USP45: variants seen among roughly 807,000 people sequenced by gnomAD.
The protein encoded by USP45 is ubiquitin carboxyl-terminal hydrolase 45.
In USP45, 89 loss-of-function variants were observed where a neutral mutation model predicts 95.8. The ratio of observed to expected loss-of-function variants is 0.93; its 90% CI spans 0.78 to 1.11. The LOEUF (loss-of-function observed/expected upper bound fraction) is 1.11. USP45 is among the 50% of genes least tolerant of loss of function. USP45 has a pLI of 0.00. For synonymous variants in USP45, 281 were observed against 316.2 expected (o/e 0.89, Z 1.18); for missense variants, 898 against 942.5 (o/e 0.95, Z 0.62).
chr6:99,474,059 G>A (rs1292431859), intron 9 of USP45, among the ~76,000 whole-genome samples: 2 of 152,156 alleles, frequency 1.3e-5, no homozygotes, highest in African/African-American at 4.8e-5. Context: ...GATACATGAT[G>A]TTTTATAGCA....
At chr6:99,470,408 T>G (rs1436652316) in intron 9 of USP45, among the ~76,000 whole-genome samples, 1 of 152,216 alleles carries the variant, frequency 6.6e-6, no homozygotes, top group East Asian at 1.9e-4. Context: ...GAGTTTCACT[T>G]ATTACTAACT....
At chr6:99,517,601 A>T (rs1190463825), upstream of USP45, among the ~76,000 whole-genome samples, 7 of 136,774 alleles carry the variant, frequency 5.1e-5, no homozygotes, top group Admixed American at 7.4e-5. Context: ...CACATAGCTA[A>T]TTTTTTTTTT....
intron 5 of USP45, among the ~76,000 whole-genome samples, chr6:99,489,312 T>C (rs1583331126): frequency 6.6e-6 from 1 of 152,276 alleles, no homozygotes; most frequent in East Asian, 1.9e-4. Context: ...ATTCAGATAA[T>C]TTGATCATAA....
At chr6:99,509,370 G>A (rs11154891) in intron 2 of USP45, among the ~76,000 whole-genome samples, 7 of 152,262 alleles carry the variant, frequency 4.6e-5, no homozygotes, top group Admixed American at 1.3e-4. Flanking sequence ...ACAATCCTTA[G>A]AACTTATTCG....
chr6:99,503,675 GT>G, intron 5 of USP45, 89 bp downstream of exon 5: 2 of 898,228 alleles, frequency 2.2e-6, no homozygotes, highest in South Asian at 4.2e-5. Context: ...GGCTGTCACA[GT>G]AAAATCTAAA....
At chr6:99,473,452 C>A (rs1178070043) in intron 9 of USP45, among the ~76,000 whole-genome samples, 2 of 151,958 alleles carry the variant, frequency 1.3e-5, no homozygotes, top group African/African-American at 2.4e-5. Flanking sequence ...GAGGCTGAGG[C>A]AGGAGAATCA....
chr6:99,513,499 A>G (rs1043224722), intron 1 of USP45, among the ~76,000 whole-genome samples: 5 of 152,356 alleles, frequency 3.3e-5, no homozygotes, highest in African/African-American at 9.6e-5. Context: ...AGAGATAGGT[A>G]TAACTAATAA....
chr6:99,466,683 C>A lies in USP45; in HGVS notation c.1096G>T (p.Glu366Ter). The change falls in exon 11 of 18, where the codon GAA (glutamate) becomes TAA (stop). Residue 366 changes from glutamate to a stop codon, truncating the protein, a stop_gained. Transcript: ENST00000500704. LOFTEE classifies it high-confidence loss of function. ...TCTAAAGTACCTACATTTGCACATTCTTCACACATGACCGTGCTAGTTAAT... is the reference window on the plus strand; with the variant it reads ...TCTAAAGTACCTACATTTGCACATTATTCACACATGACCGTGCTAGTTAAT... The part of the protein sequence containing the change: ...GELTSTVMCE[E>*]CANISTVKDP... The A allele has an allele frequency of 1.2e-6, 2 of 1,613,122 alleles. No homozygotes were observed. The highest frequency in any genetic ancestry group is 1.7e-6 in the Non-Finnish European group (2 of 1,179,402).
intron 14 of USP45, among the ~76,000 whole-genome samples, chr6:99,445,204 G>T (rs796573582): frequency 6.6e-6 from 1 of 152,098 alleles, no homozygotes; most frequent in African/African-American, 2.4e-5. Flanking sequence ...TTTTAGGGAG[G>T]CCAGGCATGG....
intron 2 of USP45, 118 bp downstream of exon 2, chr6:99,510,003 G>A: frequency 1.3e-6 from 1 of 751,452 alleles, no homozygotes; most frequent in Admixed American, 2.3e-5. Flanking sequence ...ATCTAGGTTT[G>A]GTGGAAAAAA....
intron 7 of USP45, among the ~76,000 whole-genome samples, chr6:99,485,118 T>G (rs1793543186): frequency 6.9e-6 from 1 of 145,354 alleles, no homozygotes; most frequent in South Asian, 2.1e-4. Flanking sequence ...TCACTTGAGG[T>G]CAGGAGTTTG....
At position 99,464,608 on chromosome 6, in the gene USP45, T is replaced by C. The variant is rs1214719699; in HGVS notation, c.1304A>G (p.Asp435Gly). 6.2e-7 allele frequency: 1 copy of C among 1,610,488 alleles called. No individual in the cohort carries two copies. The highest frequency in any genetic ancestry group is 1.3e-5 in the African/African-American group (1 of 74,726). ...AACAGATGCTTATGGTCTTACCTTA[T>C]CTTTAGATGAAGAATGCTTCTTGGC... ...RAAKKHSSSK[D>G]KSQLIHDRKC... The change falls in exon 13 of 18, where the codon GAT (aspartate) becomes GGT (glycine). Residue 435 changes from aspartate (D) to glycine (G), a missense_variant. Coordinates refer to ENST00000500704, the MANE Select transcript of USP45 (RefSeq NM_001346022.3).
At position 99,445,991 on chromosome 6, in the gene USP45, T is replaced by C. The variant is rs1308871644; in HGVS notation, c.1781A>G (p.His594Arg). ...SNNLCFLEGK[H>R]LRSYSPQNAF... ...ATTTTGGGGACTATAAGACCTCAAA[T>C]GCTTCCCCTCTAAAAAACATAAATT... Residue 594 changes from histidine to arginine, a missense_variant, in exon 14 of 18, where the codon CAT becomes CGT. Coordinates refer to ENST00000500704, the MANE Select transcript of USP45 (RefSeq NM_001346022.3). The C allele has an allele frequency of 6.2e-7, 1 of 1,614,004 alleles. No homozygotes were observed. The highest frequency in any genetic ancestry group is 8.5e-7 in the Non-Finnish European group (1 of 1,179,988).
At chr6:99,500,976 A>G (rs899762199) in intron 5 of USP45, among the ~76,000 whole-genome samples, 2 of 152,236 alleles carry the variant, frequency 1.3e-5, no homozygotes, top group Non-Finnish European at 2.9e-5. Flanking sequence ...ACAGTTGGCA[A>G]CTATATTTTT....
At chr6:99,457,527 TATCAAA>T (rs1385488519) in intron 13 of USP45, among the ~76,000 whole-genome samples, 1 of 152,208 alleles carries the variant, frequency 6.6e-6, no homozygotes, top group African/African-American at 2.4e-5. Flanking sequence ...TCTATGCATG[TATCAAA>T]ATATCACATA....
chr6:99,468,305 C>T (rs147000907), intron 10 of USP45: 389 of 524,768 alleles, frequency 7.4e-4, no homozygotes, highest in African/African-American at 6.8e-3. Context: ...ATAAAGGTAT[C>T]GGTGTCAATC....
intron 9 of USP45, 85 bp from the exon 10 acceptor site, chr6:99,468,703 G>A: frequency 1.3e-6 from 1 of 793,942 alleles, no homozygotes; most frequent in Non-Finnish European, 1.9e-6. Context: ...CAAACAGCAA[G>A]GTACACTGTG....
chr6:99,495,422 G>C (rs1260242801), intron 5 of USP45, among the ~76,000 whole-genome samples: 1 of 152,186 alleles, frequency 6.6e-6, no homozygotes, highest in Non-Finnish European at 1.5e-5. Flanking sequence ...CATAGGCAAG[G>C]GAGAAGTGAA....
upstream of USP45, among the ~76,000 whole-genome samples, chr6:99,515,968 G>A (rs1052189952): frequency 3.3e-5 from 5 of 151,554 alleles, no homozygotes. Context: ...TAGTAGAGAC[G>A]GGGTTTCACC....
Sources: gnomAD v4.1 joint callset for allele counts (sites outside exome capture counted in the v4.1 genomes callset) on GRCh38, gnomAD v4.1.1 for gene constraint, MANE v1.5 for transcripts, NCBI Gene and HGNC (gene_info 2026-07-23, HGNC 2026-07-21) for gene names.